ENOX2: variants seen among roughly 807,000 people sequenced by gnomAD.
The protein encoded by ENOX2 is ecto-NOX disulfide-thiol exchanger 2.
A neutral mutation model predicts 45.0 loss-of-function variants in ENOX2; 36 were observed. The observed-to-expected ratio is 0.80, with a 90% CI of 0.61 to 1.06. The LOEUF (loss-of-function observed/expected upper bound fraction) is 1.06, where lower values mean the gene tolerates loss of function less well. Ranked by LOEUF, ENOX2 falls within the 50% of genes least tolerant of loss-of-function variation. ENOX2 has a pLI of 0.00. For missense variants in ENOX2, 423 were observed against 462.5 expected, an observed-to-expected ratio of 0.91 and a Z score of 0.78; for synonymous variants, 174 against 152.3, an observed-to-expected ratio of 1.14 and a Z score of -1.05.
chrX:130,643,220 AATAAT>A (rs777763907), intron 10 of ENOX2, among the ~76,000 whole-genome samples: 14 of 111,779 alleles, frequency 1.3e-4, no homozygotes, highest in Admixed American at 1.1e-3. Context: ...AAAAATGTGG[AATAAT>A]ATAATATGTT....
chrX:130,800,890 G>A (rs1016965064), intron 2 of ENOX2, among the ~76,000 whole-genome samples: 1 of 112,090 alleles, frequency 8.9e-6, no homozygotes, highest in East Asian at 2.8e-4. Flanking sequence ...ACTCCATTCT[G>A]GTTATTGTAA....
intron 3 of ENOX2, among the ~76,000 whole-genome samples, chrX:130,720,603 T>G (rs1053711338): frequency 2.7e-5 from 3 of 112,487 alleles, no homozygotes; most frequent in African/African-American, 9.7e-5. Context: ...AGTAAAAGCT[T>G]ACTTCTGAGA....
At chrX:130,874,510 G>A (rs1208226248) in intron 2 of ENOX2, among the ~76,000 whole-genome samples, 4 of 111,889 alleles carry the variant, frequency 3.6e-5, no homozygotes, top group South Asian at 7.5e-4. Flanking sequence ...AAACTAGTGC[G>A]AAGCAAGGGA....
At chrX:130,884,757 A>G (rs969468034) in intron 2 of ENOX2, among the ~76,000 whole-genome samples, 3 of 111,930 alleles carry the variant, frequency 2.7e-5, no homozygotes, top group African/African-American at 9.8e-5. Context: ...AGAGAGACAC[A>G]GAGACAGAGA....
intron 3 of ENOX2, among the ~76,000 whole-genome samples, chrX:130,762,722 T>C (rs1260971585): frequency 8.9e-6 from 1 of 112,260 alleles, no homozygotes; most frequent in African/African-American, 3.2e-5. Context: ...GAGGGCATGC[T>C]CTATATGATT....
chrX:130,827,143 G>A (rs1040918148), intron 2 of ENOX2, among the ~76,000 whole-genome samples: 3 of 112,180 alleles, frequency 2.7e-5, no homozygotes, highest in African/African-American at 9.7e-5. Flanking sequence ...AGCAGTTCAT[G>A]CTAGGCCAGG....
intron 2 of ENOX2, among the ~76,000 whole-genome samples, chrX:130,823,193 G>A (rs1215631847): frequency 9.0e-6 from 1 of 111,616 alleles, no homozygotes; most frequent in Non-Finnish European, 1.9e-5. Context: ...GATATATAGA[G>A]GGGCAGAAAA....
chrX:130,737,863 C>T (rs1455498733), intron 3 of ENOX2, among the ~76,000 whole-genome samples: 1 of 111,418 alleles, frequency 9.0e-6, no homozygotes, highest in East Asian at 2.8e-4. Flanking sequence ...TCAAGAGAAC[C>T]AAGAAAGTTC....
intron 5 of ENOX2, among the ~76,000 whole-genome samples, chrX:130,682,570 C>A (rs1007442397): frequency 2.9e-5 from 2 of 70,067 alleles, no homozygotes; most frequent in Non-Finnish European, 4.7e-5. Context: ...GGTGACAGAG[C>A]GAGACTCCGT....
At chrX:130,839,017 G>A (rs1351311415) in intron 2 of ENOX2, among the ~76,000 whole-genome samples, 7 of 111,979 alleles carry the variant, frequency 6.3e-5, no homozygotes, top group Admixed American at 4.7e-4. Flanking sequence ...GGGCATTGCC[G>A]CCAAAGTGTC....
intron 2 of ENOX2, among the ~76,000 whole-genome samples, chrX:130,860,203 C>T (rs1367167297): frequency 9.0e-6 from 1 of 111,643 alleles, no homozygotes; most frequent in Non-Finnish European, 1.9e-5. Context: ...GTGATCCACC[C>T]GCCTTGGCCT....
intron 2 of ENOX2, among the ~76,000 whole-genome samples, chrX:130,891,502 T>G (rs970425641): frequency 7.5e-5 from 7 of 93,203 alleles, no homozygotes; most frequent in African/African-American, 2.0e-4. Context: ...TTTTTTTTTT[T>G]TTTTTTTTTT....
chrX:130,763,402 T>C (rs1011920999), intron 3 of ENOX2, among the ~76,000 whole-genome samples: 1 of 111,356 alleles, frequency 9.0e-6, no homozygotes, highest in African/African-American at 3.3e-5. Flanking sequence ...TTCTGGGTGA[T>C]AAATACAGTC....
At chrX:130,682,344 G>A (rs571594186) in intron 5 of ENOX2, among the ~76,000 whole-genome samples, 3 of 109,120 alleles carry the variant, frequency 2.7e-5, no homozygotes, top group Non-Finnish European at 5.7e-5. Context: ...AAATTCTTTG[G>A]GGGGCTGAGG....
chrX:130,633,272 T>G (rs1034298400), intron 12 of ENOX2, among the ~76,000 whole-genome samples: 3 of 111,829 alleles, frequency 2.7e-5, no homozygotes, highest in African/African-American at 9.8e-5. Context: ...AGATCCCTCC[T>G]CACCAAAACT....
chrX:130,647,046 G>C (rs1335245395), intron 10 of ENOX2, among the ~76,000 whole-genome samples: 2 of 112,460 alleles, frequency 1.8e-5, no homozygotes, highest in East Asian at 5.6e-4. Flanking sequence ...AGTGGGCACT[G>C]TGTGTCCTCC....
At chrX:130,812,910 G>A (rs1174389789) in intron 2 of ENOX2, among the ~76,000 whole-genome samples, 1 of 111,618 alleles carries the variant, frequency 9.0e-6, no homozygotes, top group Non-Finnish European at 1.9e-5. Flanking sequence ...GTACTACAAA[G>A]CTATAGTAAC....
intron 5 of ENOX2, among the ~76,000 whole-genome samples, chrX:130,685,449 G>A (rs967905503): frequency 1.1e-4 from 12 of 111,918 alleles, no homozygotes; most frequent in Non-Finnish European, 1.7e-4. Flanking sequence ...TAGGGGGCAA[G>A]GGTGAAGAAG....
At chrX:130,714,314 T>A (rs749985509) in intron 3 of ENOX2, among the ~76,000 whole-genome samples, 1 of 112,180 alleles carries the variant, frequency 8.9e-6, no homozygotes, top group Admixed American at 9.4e-5. Context: ...TTACTCACCA[T>A]GTAGCAATCA....
Sources: allele counts gnomAD v4.1 joint callset (sites outside exome capture counted in the v4.1 genomes callset), GRCh38; gene constraint gnomAD v4.1.1; transcripts MANE v1.5; gene names NCBI Gene and HGNC (gene_info 2026-07-23, HGNC 2026-07-21).